The following SDC2 variants were observed in gnomAD, a reference collection of about 807,000 sequenced individuals.
SDC2 encodes syndecan-2.
SDC2 carries 13 observed loss-of-function variants against 22.2 expected under a neutral mutation model. That is an observed-to-expected ratio of 0.59 (90% CI 0.38 to 0.93). The LOEUF (loss-of-function observed/expected upper bound fraction) is 0.93, where lower values mean the gene tolerates loss of function less well. Ranked by LOEUF, SDC2 falls within the 40% of genes least tolerant of loss-of-function variation. The pLI is 0.00. For synonymous variants in SDC2, 94 were observed against 92.8 expected (o/e 1.01, Z -0.07); for missense variants, 235 against 246.8 (o/e 0.95, Z 0.32).
Position 96,576,374 on chromosome 8 carries a change from G to GT in SDC2, c.61-17102dup, listed in dbSNP as rs1225034584. On this transcript the variant is annotated intron_variant, in intron 1 of 4. Transcript: ENST00000302190. ...GTTCAATAATTGGTAGTTTGTTTTTGTTTTGTTTTGTTTTTTTTTACCAGA... is the reference window on the plus strand; with the variant it reads ...GTTCAATAATTGGTAGTTTGTTTTTGTTTTTGTTTTGTTTTTTTTTACCAGA... Among the ~76,000 whole-genome samples, 240 of 40,614 alleles carry GT rather than the reference G, an allele frequency of 5.9e-3. 9 individuals are homozygous for GT. The highest frequency in any genetic ancestry group is 0.054 in the East Asian group (83 of 1,544). 26.6% of individuals were successfully genotyped at this position (40,614 alleles called of 152,430 possible). A position where few individuals can be genotyped will look rare whatever the true frequency, so the allele number is the denominator to read the frequency against.
chr8:96,513,690 C>T (rs940644130), intron 1 of SDC2, among the ~76,000 whole-genome samples: 1 of 152,196 alleles, frequency 6.6e-6, no homozygotes, highest in Non-Finnish European at 1.5e-5. Flanking sequence ...TCATGACTTG[C>T]ACCTGACCCT....
intron 1 of SDC2, among the ~76,000 whole-genome samples, chr8:96,535,233 T>A (rs1813735606): frequency 6.6e-6 from 1 of 152,244 alleles, no homozygotes; most frequent in African/African-American, 2.4e-5. Flanking sequence ...GGTCTTAGAC[T>A]TCTGACATCA....
chr8:96,609,035 C>T (rs1815132019), intron 4 of SDC2, among the ~76,000 whole-genome samples: 2 of 151,872 alleles, frequency 1.3e-5, no homozygotes, highest in East Asian at 1.9e-4. Flanking sequence ...GTCAATTATA[C>T]TATGTTCTCT....
intron 1 of SDC2, among the ~76,000 whole-genome samples, chr8:96,500,845 G>A (rs1265272231): frequency 6.6e-6 from 1 of 152,168 alleles, no homozygotes; most frequent in African/African-American, 2.4e-5. Flanking sequence ...TGTTGAAATA[G>A]AATTGTGAAT....
intron 1 of SDC2, among the ~76,000 whole-genome samples, chr8:96,578,057 C>T (rs1342097029): frequency 6.6e-6 from 1 of 152,130 alleles, no homozygotes; most frequent in Non-Finnish European, 1.5e-5. Flanking sequence ...CATTAAATGA[C>T]CTAGTTAGAT....
chr8:96,604,830 G>A (rs1349440508), intron 3 of SDC2, among the ~76,000 whole-genome samples: 1 of 152,204 alleles, frequency 6.6e-6, no homozygotes, highest in Non-Finnish European at 1.5e-5. Flanking sequence ...TCTTTTTGCG[G>A]ATTCATTTTG....
At chr8:96,587,794 C>G (rs141261948) in intron 1 of SDC2, among the ~76,000 whole-genome samples, 229 of 152,242 alleles carry the variant, frequency 1.5e-3, no homozygotes, top group African/African-American at 5.4e-3. Flanking sequence ...AAGTTCAACA[C>G]AGCTCTTTAT....
intron 2 of SDC2, among the ~76,000 whole-genome samples, chr8:96,595,119 TGG>T (rs1233565770): frequency 1.3e-5 from 2 of 152,198 alleles, no homozygotes; most frequent in Non-Finnish European, 2.9e-5. Flanking sequence ...GTCAGCAGCA[TGG>T]TAGGCAAGAC....
At chr8:96,600,767 A>G (rs533576938) in intron 2 of SDC2, among the ~76,000 whole-genome samples, 5 of 152,326 alleles carry the variant, frequency 3.3e-5, no homozygotes, top group African/African-American at 1.2e-4. Flanking sequence ...GGAGAAGACA[A>G]AGGGACCATG....
intron 1 of SDC2, among the ~76,000 whole-genome samples, chr8:96,533,899 G>A (rs901573056): frequency 1.3e-5 from 2 of 152,182 alleles, no homozygotes; most frequent in Non-Finnish European, 2.9e-5. Flanking sequence ...AGCAGGGGGC[G>A]GCGCTCGTTG....
chr8:96,516,811 C>G (rs892762970), intron 1 of SDC2, among the ~76,000 whole-genome samples: 30 of 152,120 alleles, frequency 2.0e-4, no homozygotes, highest in Non-Finnish European at 2.9e-5. Flanking sequence ...TAGTCATACC[C>G]CCTTTTCCAT....
Position 96,582,392 on chromosome 8 carries a change from C to T in SDC2, c.61-11088C>T, listed in dbSNP as rs143977950. Among the ~76,000 whole-genome samples the T allele has an allele frequency of 1.1e-3, 171 of 152,228 alleles. 1 individual carries two copies. Among genetic ancestry groups the T allele is most frequent in the Non-Finnish European group, 1.7e-3 (117 of 68,042 alleles). ...TGGTGCTAGGTATTAAAAACCCTAC[C>T]GTTCAGAACAGTTTCTTTTAACTTC... On this transcript the variant is annotated intron_variant, in intron 1 of 4. Transcript: ENST00000302190.
intron 1 of SDC2, chr8:96,529,244 T>A (rs1021670656): frequency 6.6e-5 from 10 of 152,220 alleles, no homozygotes; most frequent in African/African-American, 2.4e-4. Flanking sequence ...CAGTGAACCA[T>A]TCGTCCTTCC....
chr8:96,561,674 C>T (rs1814212869), intron 1 of SDC2, among the ~76,000 whole-genome samples: 2 of 152,190 alleles, frequency 1.3e-5, no homozygotes, highest in South Asian at 4.1e-4. Context: ...TTCTTCCTTA[C>T]CAAGTCTATT....
intron 1 of SDC2, among the ~76,000 whole-genome samples, chr8:96,548,028 G>T (rs1479072409): frequency 6.6e-6 from 1 of 152,182 alleles, no homozygotes; most frequent in African/African-American, 2.4e-5. Flanking sequence ...TTTCCAAAGT[G>T]CTGGGATTAC....
intron 1 of SDC2, among the ~76,000 whole-genome samples, chr8:96,555,726 A>G (rs1039074845): frequency 3.9e-5 from 6 of 152,186 alleles, no homozygotes; most frequent in Non-Finnish European, 8.8e-5. Flanking sequence ...ACTCCAGATA[A>G]AACTTACTCT....
At chr8:96,519,627 TTTAA>T (rs1255971275) in intron 1 of SDC2, among the ~76,000 whole-genome samples, 2 of 152,248 alleles carry the variant, frequency 1.3e-5, no homozygotes, top group Admixed American at 6.5e-5. Context: ...TAAATCGCAA[TTTAA>T]TTATTTTTTA....
chr8:96,549,148 G>A (rs1257306692), intron 1 of SDC2, among the ~76,000 whole-genome samples: 1 of 152,114 alleles, frequency 6.6e-6, no homozygotes, highest in African/African-American at 2.4e-5. Context: ...GAGTACTCTT[G>A]TACTAAAATG....
In SDC2 at chr8:96,494,200, G is replaced by C. The variant is rs934904351; in HGVS notation, c.-72G>C. On this transcript the variant is annotated 5_prime_UTR_variant, in exon 1 of 5. Transcript: ENST00000302190. Reference sequence around the variant, plus strand: ...CGGATTCGTGTGCGCGGGCTGCGCCGAGCGCTGGGCAGGAGGCTTCGTTTT... The same window carrying C: ...CGGATTCGTGTGCGCGGGCTGCGCCCAGCGCTGGGCAGGAGGCTTCGTTTT... The C allele has an allele frequency of 1.6e-5, 23 of 1,455,442 alleles. No homozygotes were observed. The African/African-American group carries it at 2.8e-4, about 18-fold the overall frequency. The allele number at this position is 1,455,442 out of a possible 1,614,324, so 90.2% of individuals were successfully genotyped here.
Sources: allele counts gnomAD v4.1 joint callset (sites outside exome capture counted in the v4.1 genomes callset), GRCh38; gene constraint gnomAD v4.1.1; transcripts MANE v1.5; gene names NCBI Gene and HGNC (gene_info 2026-07-23, HGNC 2026-07-21).